The following HNRNPR variants were observed in gnomAD, a reference collection of about 807,000 sequenced individuals.
The protein encoded by HNRNPR is heterogeneous nuclear ribonucleoprotein R.
Under a neutral mutation model 70.3 loss-of-function variants are expected in HNRNPR, and 4 were observed. That is an observed-to-expected ratio of 0.06 (90% confidence interval 0.03 to 0.13). The LOEUF (loss-of-function observed/expected upper bound fraction) is 0.13. Among genes scored for constraint, HNRNPR ranks in the 10% least tolerant of loss-of-function variants. The probability of loss-of-function intolerance (pLI) is 1.00; values close to 1 mark genes in which losing one functional copy is unlikely to be tolerated. For missense variants in HNRNPR, 423 were observed against 788.5 expected, an observed-to-expected ratio of 0.54 and a Z score of 5.55; for synonymous variants, 241 against 267.6, an observed-to-expected ratio of 0.90 and a Z score of 0.97.
chr1:23,336,033 C>T (rs1391709636), intron 4 of HNRNPR, among the ~76,000 whole-genome samples: 5 of 139,956 alleles, frequency 3.6e-5, no homozygotes, highest in Non-Finnish European at 4.6e-5. Flanking sequence ...AGGAGAATGG[C>T]GTGAACCCGG....
At chr1:23,342,666 C>G (rs1646746677) in intron 1 of HNRNPR, among the ~76,000 whole-genome samples, 1 of 152,170 alleles carries the variant, frequency 6.6e-6, no homozygotes. Context: ...CATGCTCCCC[C>G]ATCCCCACAT....
chr1:23,321,456 A>C, intron 7 of HNRNPR, 72 bp downstream of exon 7: 2 of 1,269,532 alleles, frequency 1.6e-6, no homozygotes, highest in South Asian at 1.4e-5. Context: ...ACAACCCCTC[A>C]GTTTTTTTGA....
At position 23,310,530 on chromosome 1, in the gene HNRNPR, T is replaced by C; in HGVS notation, c.1826A>G (p.Asp609Gly). 1.2e-6 allele frequency: 2 copies of C among 1,614,172 alleles called. No homozygotes were observed. The highest frequency in any genetic ancestry group is 1.7e-6 in the Non-Finnish European group (2 of 1,180,010). ...IAQQPLQQGG[D>G]YSGNYGYNND... ...ATTGTAACCATAGTTACCAGAATAGTCACCACCTTGCTGAAGCGGCTGCTG... is the reference window on the plus strand; with the variant it reads ...ATTGTAACCATAGTTACCAGAATAGCCACCACCTTGCTGAAGCGGCTGCTG... Residue 609 changes from aspartate to glycine, a missense_variant, in exon 11 of 11, where the codon GAC (aspartate) becomes GGC (glycine). Coordinates refer to ENST00000302271, the MANE Select transcript of HNRNPR (RefSeq NM_005826.5). This position sits in a 1 kb window ranked among gnomAD's most constrained non-coding sequence, Gnocchi z 6.0.
chr1:23,337,654 CAA>C (rs372423149), intron 4 of HNRNPR, 98 bp downstream of exon 4: 1,745 of 616,446 alleles, frequency 2.8e-3, no homozygotes, highest in South Asian at 4.5e-3. Context: ...GACTCCGTCT[CAA>C]AAAAAAAAAA....
chr1:23,330,529 C>T (rs908937471), intron 5 of HNRNPR, among the ~76,000 whole-genome samples: 2 of 151,890 alleles, frequency 1.3e-5, no homozygotes, highest in African/African-American at 4.8e-5. Flanking sequence ...AGTGAGACTC[C>T]ATCTCAAAAA....
chr1:23,310,271 T>C lies in HNRNPR; in HGVS notation c.*183A>G. Reference sequence around the variant, plus strand: ...GCAAGCCCAATAATGTCCAAGAGCATTTATGAAAAGAGGAAAAATAAAAAG... The same window carrying C: ...GCAAGCCCAATAATGTCCAAGAGCACTTATGAAAAGAGGAAAAATAAAAAG... On this transcript the variant is annotated 3_prime_UTR_variant, in exon 11 of 11. Transcript: ENST00000302271. This position sits in a 1 kb window ranked among gnomAD's most constrained non-coding sequence, Gnocchi z 6.0. The C allele has an allele frequency of 1.8e-6, 1 of 557,448 alleles. No individual in the cohort carries two copies. The highest frequency in any genetic ancestry group is 3.1e-6 in the Non-Finnish European group (1 of 325,670). 34.5% of individuals were successfully genotyped at this position (557,448 alleles called of 1,614,324 possible).
chr1:23,332,303 A>G (rs1646268246), intron 5 of HNRNPR, among the ~76,000 whole-genome samples: 4 of 152,150 alleles, frequency 2.6e-5, no homozygotes, highest in Non-Finnish European at 4.4e-5. Flanking sequence ...TCCCTTGTGC[A>G]ATCCACGCCC....
chr1:23,327,387 GAC>G (rs1217628428), intron 5 of HNRNPR, among the ~76,000 whole-genome samples: 1 of 152,168 alleles, frequency 6.6e-6, no homozygotes, highest in Non-Finnish European at 1.5e-5. Flanking sequence ...GAGAGAGACA[GAC>G]AAAAGTAAAC....
chr1:23,321,967 G>GA (rs1645777767), intron 6 of HNRNPR, among the ~76,000 whole-genome samples: 1 of 151,700 alleles, frequency 6.6e-6, no homozygotes, highest in Admixed American at 6.6e-5. Flanking sequence ...AGATTTTTCA[G>GA]AAAAAAATAC....
intron 8 of HNRNPR, among the ~76,000 whole-genome samples, chr1:23,317,149 A>G (rs1645575259): frequency 6.6e-6 from 1 of 152,158 alleles, no homozygotes; most frequent in Non-Finnish European, 1.5e-5. Flanking sequence ...TCAAGAGCTC[A>G]TTGCAAGCAG....
At position 23,321,559 on chromosome 1, in the gene HNRNPR, T is replaced by A; in HGVS notation, c.780A>T (p.Glu260Asp). 3 of 1,613,512 alleles carry A rather than the reference T, an allele frequency of 1.9e-6. No homozygotes were observed. Among genetic ancestry groups the A allele is most frequent in the Non-Finnish European group, 2.5e-6 (3 of 1,179,548 alleles). Residue 260 changes from glutamate to aspartate, a missense_variant, in exon 7 of 11, where the codon GAA becomes GAT. By Grantham distance (45) the Glu-to-Asp change is conservative (BLOSUM62 2). Coordinates refer to ENST00000302271, the MANE Select transcript of HNRNPR (RefSeq NM_005826.5). The part of the protein sequence containing the change: ...VGSIPKNKTK[E>D]NILEEFSKVT... ...CTTTACTGAATTCTTCCAAAATGTT[T>A]TCTTTAGTCTTATTCTTCGGAATGG...
At chr1:23,336,470 G>A (rs1332150156) in intron 4 of HNRNPR, among the ~76,000 whole-genome samples, 1 of 151,028 alleles carries the variant, frequency 6.6e-6, no homozygotes, top group African/African-American at 2.4e-5. Context: ...TGCTCAGGAG[G>A]CTGAGGCAGG....
chr1:23,329,194 T>A (rs918683542), intron 5 of HNRNPR, among the ~76,000 whole-genome samples: 11 of 151,948 alleles, frequency 7.2e-5, no homozygotes, highest in South Asian at 2.1e-4. Context: ...GTCACGTGAG[T>A]CCATGAAGAA....
intron 4 of HNRNPR, among the ~76,000 whole-genome samples, chr1:23,334,957 G>A (rs563278307): frequency 2.0e-5 from 3 of 151,330 alleles, no homozygotes; most frequent in Middle Eastern, 3.4e-3. Context: ...TCGCTCTGTC[G>A]CTCAGGCTGG....
intron 2 of HNRNPR, 49 bp from the exon 3 acceptor site, chr1:23,338,657 T>C: frequency 1.1e-6 from 1 of 873,022 alleles, no homozygotes; most frequent in East Asian, 2.6e-5. Flanking sequence ...AAAGGGGTAA[T>C]CTAAGCTCTA....
rs1307860325 is a variant in HNRNPR at position 23,304,711 on chromosome 1, A to T, written c.*5743T>A. ...CATTTTGAACATGTTAAATTTTATT[A>T]AAAATATTTAACATCGTACAAATAT... is the stretch of plus-strand genomic sequence containing the variant. On this transcript the variant is annotated 3_prime_UTR_variant, in exon 11 of 11. Coordinates refer to ENST00000302271, the MANE Select transcript of HNRNPR (RefSeq NM_005826.5). 6.6e-6 allele frequency: 1 copy of T among 152,216 alleles called. No individual in the cohort carries two copies. Among genetic ancestry groups the T allele is most frequent in the African/African-American group, 2.4e-5 (1 of 41,462 alleles). The allele number at this position is 152,216 out of a possible 1,614,324, so 9.4% of individuals were successfully genotyped here. A position where few individuals can be genotyped will look rare whatever the true frequency, so the allele number is the denominator to read the frequency against.
intron 5 of HNRNPR, among the ~76,000 whole-genome samples, chr1:23,327,036 T>C (rs1434105806): frequency 6.6e-6 from 1 of 152,208 alleles, no homozygotes; most frequent in South Asian, 2.1e-4. Flanking sequence ...CGTCTACCTT[T>C]AGAAGAATAT....
At chr1:23,327,062 C>T (rs911993236) in intron 5 of HNRNPR, among the ~76,000 whole-genome samples, 1 of 152,192 alleles carries the variant, frequency 6.6e-6, no homozygotes, top group African/African-American at 2.4e-5. Flanking sequence ...CTGTTTCTCT[C>T]CCCTCCTAGC....
chr1:23,326,008 T>C (rs1345557612), intron 5 of HNRNPR, among the ~76,000 whole-genome samples: 1 of 152,048 alleles, frequency 6.6e-6, no homozygotes, highest in African/African-American at 2.4e-5. Context: ...CCAGAGGCTC[T>C]TGCCACTATG....
Sources: gnomAD v4.1 joint callset for allele counts (sites outside exome capture counted in the v4.1 genomes callset) on GRCh38, gnomAD v4.1.1 for gene constraint, Gnocchi (gnomAD v3.1) non-coding constraint, MANE v1.5 for transcripts, NCBI Gene and HGNC (gene_info 2026-07-23, HGNC 2026-07-21) for gene names.